The following B4GALNT2 variants were observed in gnomAD, a reference collection of about 807,000 sequenced individuals.
B4GALNT2 encodes the protein beta-1,4-N-acetyl-galactosaminyltransferase 2 (SID blood group).
Under a neutral mutation model 51.1 loss-of-function variants are expected in B4GALNT2, and 42 were observed. That is an observed-to-expected ratio of 0.82 (90% CI 0.64 to 1.06). The LOEUF is 1.06. Ranked by LOEUF, B4GALNT2 falls within the 50% of genes least tolerant of loss-of-function variation. The pLI, the probability that B4GALNT2 is intolerant of heterozygous loss-of-function variation, is 0.00. For synonymous variants in B4GALNT2, 253 were observed against 251.7 expected, an observed-to-expected ratio of 1.01 and a Z score of -0.05; for missense variants, 602 against 633.6, an observed-to-expected ratio of 0.95 and a Z score of 0.54.
In B4GALNT2 at chr17:49,132,942, G is replaced by A. The variant is rs1435945945; in HGVS notation, c.14+136G>A. 22 of 1,391,274 alleles carry A rather than the reference G, an allele frequency of 1.6e-5. 1 individual carries two copies. The highest frequency in any genetic ancestry group is 2.0e-5 in the Non-Finnish European group (22 of 1,074,126). The allele number at this position is 1,391,274 out of a possible 1,614,324, so 86.2% of individuals were successfully genotyped here. On this transcript the variant is annotated intron_variant, in intron 1 of 10. Coordinates refer to ENST00000393354, the MANE Select transcript of B4GALNT2 (RefSeq NM_001159387.2). The stretch of plus-strand genomic sequence containing the variant: ...CGGAGCCAGGGAGCGGGCGGTTGGA[G>A]TCTTAAGTCCAACCGGTTCCCCGCA...
chr17:49,150,687 T>C (rs2042744516), intron 3 of B4GALNT2, among the ~76,000 whole-genome samples: 1 of 151,266 alleles, frequency 6.6e-6, no homozygotes, highest in South Asian at 2.1e-4. Flanking sequence ...TTAAGGGCGG[T>C]GCAAGATGTG....
chr17:49,138,216 A>G (rs2042607671), intron 1 of B4GALNT2, among the ~76,000 whole-genome samples: 1 of 152,216 alleles, frequency 6.6e-6, no homozygotes, highest in African/African-American at 2.4e-5. Flanking sequence ...ATAACTCAAG[A>G]CTGCATGATT....
chr17:49,159,713 A>G (rs1478962059), intron 6 of B4GALNT2, among the ~76,000 whole-genome samples: 1 of 152,122 alleles, frequency 6.6e-6, no homozygotes, highest in East Asian at 1.9e-4. Flanking sequence ...TAATTACTGT[A>G]CCCAGTACTA....
upstream of B4GALNT2, among the ~76,000 whole-genome samples, chr17:49,132,225 A>G (rs1392894601): frequency 6.6e-6 from 1 of 152,214 alleles, no homozygotes; most frequent in Non-Finnish European, 1.5e-5. Flanking sequence ...GGCTTATGAA[A>G]AAGGTCCTGC....
chr17:49,143,305 AAAAC>A (rs1239446150), intron 3 of B4GALNT2, among the ~76,000 whole-genome samples: 1 of 151,950 alleles, frequency 6.6e-6, no homozygotes, highest in Non-Finnish European at 1.5e-5. Context: ...CAAAAACAAA[AAAAC>A]AAAAAACAAG....
the B4GALNT2 span, among the ~76,000 whole-genome samples, chr17:49,125,703 G>A: frequency 2.8e-5 from 1 of 36,186 alleles, no homozygotes; most frequent in Non-Finnish European, 7.7e-5. Flanking sequence ...GGAGGGAGGT[G>A]GGGGTCGGCC....
At chr17:49,152,248 A>G (rs1419333524) in intron 3 of B4GALNT2, among the ~76,000 whole-genome samples, 1 of 152,066 alleles carries the variant, frequency 6.6e-6, no homozygotes, top group Non-Finnish European at 1.5e-5. Flanking sequence ...GCTTGGTGGC[A>G]TGTACCTGTA....
Position 49,172,798 on chromosome 17 carries a change from T to C in B4GALNT2, c.*3070T>C, listed in dbSNP as rs2042965245. The C allele has an allele frequency of 6.6e-6, 1 of 152,166 alleles. No homozygotes were observed. Among genetic ancestry groups the C allele is most frequent in the Admixed American group, 6.5e-5 (1 of 15,272 alleles). 9.4% of individuals were successfully genotyped at this position (152,166 alleles called of 1,614,324 possible). On this transcript the variant is annotated 3_prime_UTR_variant, in exon 11 of 11. Transcript: ENST00000393354. Reference sequence around the variant, plus strand: ...TAACACAGGCAGAAGACTCTCCTGATTGGCATGTAGCCCAGACAAAGTGAG... The same window carrying C: ...TAACACAGGCAGAAGACTCTCCTGACTGGCATGTAGCCCAGACAAAGTGAG...
rs759133142 is a variant in B4GALNT2, at chr17:49,173,680, G to A, written c.*3952G>A. 1.1e-4 allele frequency: 16 copies of A among 152,142 alleles called. No individual in the cohort carries two copies. Among genetic ancestry groups the A allele is most frequent in the Non-Finnish European group, 2.2e-4 (15 of 68,042 alleles). 9.4% of individuals were successfully genotyped at this position (152,142 alleles called of 1,614,324 possible). On this transcript the variant is annotated 3_prime_UTR_variant, in exon 11 of 11. Transcript: ENST00000393354. ...ATATCCATGTAATTTAACAATCTGAGTTCTCCCATTTCCTATCATAGTAGC... is the reference window on the plus strand; with the variant it reads ...ATATCCATGTAATTTAACAATCTGAATTCTCCCATTTCCTATCATAGTAGC...
chr17:49,171,217 C>T lies in B4GALNT2; in HGVS notation c.*1489C>T. ...GCAGCTTTGTCATGGTGAGCTAATT[C>T]TCACAGGAGTCAGGATCCGCACCTG... is the stretch of plus-strand genomic sequence containing the variant. On this transcript the variant is annotated 3_prime_UTR_variant, in exon 11 of 11. Transcript: ENST00000393354. The T allele has an allele frequency of 4.3e-6, 1 of 233,284 alleles. No individual in the cohort carries two copies. The highest frequency in any genetic ancestry group is 8.5e-6 in the Non-Finnish European group (1 of 117,720). The allele number at this position is 233,284 out of a possible 1,614,324, so 14.5% of individuals were successfully genotyped here. A position where few individuals can be genotyped will look rare whatever the true frequency, so the allele number is the denominator to read the frequency against.
intron 1 of B4GALNT2, among the ~76,000 whole-genome samples, chr17:49,134,014 A>C (rs2042567246): frequency 6.6e-6 from 1 of 152,218 alleles, no homozygotes; most frequent in African/African-American, 2.4e-5. Context: ...GCGGCTTTGC[A>C]TCCATCCACG....
Position 49,155,967 on chromosome 17 carries a change from TC to T in B4GALNT2, c.461-597del, listed in dbSNP as rs555127543. On this transcript the variant is annotated intron_variant, in intron 4 of 10. Coordinates refer to ENST00000393354, the MANE Select transcript of B4GALNT2 (RefSeq NM_001159387.2). Reference sequence around the variant, plus strand: ...TGATCTCGATCTCCTGACCTCGTGATCCGCCCGCCTCGGCCTCCCAAAGCAC... The same window carrying T: ...TGATCTCGATCTCCTGACCTCGTGATCGCCCGCCTCGGCCTCCCAAAGCAC... Among the ~76,000 whole-genome samples the T allele has an allele frequency of 4.4e-4, 67 of 152,154 alleles. 1 individual carries two copies. Among genetic ancestry groups the T allele is most frequent in the African/African-American group, 1.6e-3 (65 of 41,524 alleles).
chr17:49,125,751 G>A, the B4GALNT2 span, among the ~76,000 whole-genome samples: 1 of 145,790 alleles, frequency 6.9e-6, no homozygotes, highest in Non-Finnish European at 1.5e-5. Flanking sequence ...AGGGAGGTGG[G>A]GGGGTCAGCC....
chr17:49,152,600 C>T (rs930023422), intron 3 of B4GALNT2, among the ~76,000 whole-genome samples, 200 bp from the exon 4 acceptor site: 14 of 152,154 alleles, frequency 9.2e-5, no homozygotes, highest in Admixed American at 7.2e-4. Flanking sequence ...CGCTTGAGCC[C>T]GGGAGGCGGA....
rs910876463 is a variant in B4GALNT2, at chr17:49,176,268, C to T, written c.*6540C>T. ...GCTAGAGGAATTAAAGACACACACA[C>T]AGAAATATAGAGTGTGGAGTGGGAA... is the stretch of plus-strand genomic sequence containing the variant. On this transcript the variant is annotated 3_prime_UTR_variant, in exon 11 of 11. Coordinates refer to ENST00000393354, the MANE Select transcript of B4GALNT2 (RefSeq NM_001159387.2). The T allele has an allele frequency of 6.6e-6, 1 of 152,218 alleles. No individual in the cohort carries two copies. Among genetic ancestry groups the T allele is most frequent in the Non-Finnish European group, 1.5e-5 (1 of 68,046 alleles). 9.4% of individuals were successfully genotyped at this position (152,218 alleles called of 1,614,324 possible).
chr17:49,161,885 T>C (rs544123560), intron 7 of B4GALNT2, among the ~76,000 whole-genome samples: 32 of 151,212 alleles, frequency 2.1e-4, no homozygotes, highest in Admixed American at 1.9e-3. Flanking sequence ...AAACTTGTAG[T>C]TTCAAAAAAC....
At chr17:49,166,348 G>A (rs2042911371) in intron 9 of B4GALNT2, 94 bp downstream of exon 9, 2 of 860,256 alleles carry the variant, frequency 2.3e-6, no homozygotes, top group Admixed American at 5.9e-5. Flanking sequence ...GAGAAGAGGA[G>A]GGGGAGGGAG....
chr17:49,138,057 T>C (rs974346921), intron 1 of B4GALNT2, among the ~76,000 whole-genome samples: 2 of 152,218 alleles, frequency 1.3e-5, no homozygotes, highest in African/African-American at 4.8e-5. Context: ...ATAAACCATG[T>C]AAGGTCTAGA....
chr17:49,171,877 G>A lies in B4GALNT2; in HGVS notation c.*2149G>A, dbSNP rs1364146771. The A allele has an allele frequency of 9.3e-6, 3 of 323,426 alleles. No homozygotes were observed. The East Asian group carries it at 2.8e-4, about 30-fold the overall frequency. The allele number at this position is 323,426 out of a possible 1,614,324, so 20.0% of individuals were successfully genotyped here. On this transcript the variant is annotated 3_prime_UTR_variant, in exon 11 of 11. Transcript: ENST00000393354. The stretch of plus-strand genomic sequence containing the variant: ...ATAGGTTTTGAGCTGCCTTTGCTTT[G>A]CCTCAATTATAGGAGCAGATTTATT...
Sources: allele counts gnomAD v4.1 joint callset (sites outside exome capture counted in the v4.1 genomes callset), GRCh38; gene constraint gnomAD v4.1.1; transcripts MANE v1.5; gene names NCBI Gene and HGNC (gene_info 2026-07-23, HGNC 2026-07-21).